The following EXOC3 variants were observed in gnomAD, a reference collection of about 807,000 sequenced individuals.
EXOC3 encodes the protein exocyst complex component 3, also known as SEC6-like 1.
EXOC3 carries 21 observed loss-of-function variants against 73.7 expected under a neutral mutation model. The ratio of observed to expected loss-of-function variants is 0.29; its 90% CI spans 0.20 to 0.41. The LOEUF (loss-of-function observed/expected upper bound fraction) is 0.41. Ranked by LOEUF, EXOC3 falls within the 10% of genes least tolerant of loss-of-function variation. The probability of loss-of-function intolerance (pLI) is 1.00; values close to 1 mark genes in which losing one functional copy is unlikely to be tolerated. For synonymous variants in EXOC3, 410 were observed against 389.1 expected (o/e 1.05, Z -0.63); for missense variants, 842 against 985.1 (o/e 0.85, Z 1.95).
intron 9 of EXOC3, 53 bp downstream of exon 9, chr5:462,360 C>G: frequency 6.3e-7 from 1 of 1,592,614 alleles, no homozygotes; most frequent in Admixed American, 1.7e-5. Context: ...CCAGTGCTTC[C>G]TCACTGCCCT....
intron 11 of EXOC3, 75 bp downstream of exon 11, chr5:465,347 G>C (rs559624363): frequency 7.4e-6 from 11 of 1,483,036 alleles, no homozygotes; most frequent in Non-Finnish European, 1.0e-5. Flanking sequence ...CCCGGGACTC[G>C]GGCCAGTAGA....
chr5:457,030 CACAGA>C (rs1560938246), intron 5 of EXOC3, 24 bp downstream of exon 5: 2 of 1,530,810 alleles, frequency 1.3e-6, no homozygotes, highest in Non-Finnish European at 1.8e-6. Flanking sequence ...GCCTGCGTGC[CACAGA>C]CCACCGTGCT....
intron 12 of EXOC3, chr5:466,310 C>G (rs1738149377): frequency 8.0e-6 from 2 of 248,738 alleles, no homozygotes; most frequent in Middle Eastern, 1.4e-3. Flanking sequence ...GTCCCCCCTC[C>G]ACCATGCTGG....
At chr5:455,611 TTGAA>T (rs1737787839) in intron 4 of EXOC3, among the ~76,000 whole-genome samples, 1 of 75,734 alleles carries the variant, frequency 1.3e-5, no homozygotes, top group Non-Finnish European at 2.7e-5. Flanking sequence ...GGCGTGTGAG[TTGAA>T]AGAATTTTCT....
At chr5:444,179 C>G (rs530650427) in intron 1 of EXOC3, among the ~76,000 whole-genome samples, 17 of 152,248 alleles carry the variant, frequency 1.1e-4, no homozygotes, top group Non-Finnish European at 2.2e-4. Context: ...GGAAGGCAGT[C>G]AGAAAGGCCC....
At chr5:457,276 C>T (rs1299782368) in intron 5 of EXOC3, 8 of 467,812 alleles carry the variant, frequency 1.7e-5, no homozygotes, top group African/African-American at 9.9e-5. Flanking sequence ...GGGCCCAGAA[C>T]GTCTGAACCG....
At chr5:444,786 G>A (rs1168356734) in intron 1 of EXOC3, 1 of 152,074 alleles carries the variant, frequency 6.6e-6, no homozygotes, top group African/African-American at 2.4e-5. Context: ...CTGAGTGGTG[G>A]GATTTACGGG....
rs762062612 is a variant in EXOC3, at chr5:464,250, G to A, written c.1654-40G>A. 1.9e-5 allele frequency: 30 copies of A among 1,601,768 alleles called. No homozygotes were observed. In the Admixed American group the frequency reaches 3.9e-4, roughly 21 times the overall value. On this transcript the variant is annotated intron_variant, in intron 9 of 12. Transcript: ENST00000512944. ...CACATGCACTCGGCTCTCGTGGGAC[G>A]TTGAGGTGATGATTTCTATGATCTG...
chr5:467,053 G>A lies in EXOC3; in HGVS notation c.*155G>A, dbSNP rs569451406. On this transcript the variant is annotated 3_prime_UTR_variant, in exon 13 of 13. Transcript: ENST00000512944. ...GTGATGCACCGGGTGTGCGTCGAGT[G>A]AGCGTCCCGAGGCCACGTGCGGAGG... is the stretch of plus-strand genomic sequence containing the variant. 7.4e-5 allele frequency: 57 copies of A among 774,878 alleles called. No individual in the cohort carries two copies. In the South Asian group the frequency reaches 9.1e-4, roughly 12 times the overall value. The allele number at this position is 774,878 out of a possible 1,614,324, so 48.0% of individuals were successfully genotyped here. A position where few individuals can be genotyped will look rare whatever the true frequency, so the allele number is the denominator to read the frequency against.
At chr5:444,095 G>A (rs750126206) in intron 1 of EXOC3, among the ~76,000 whole-genome samples, 1 of 152,188 alleles carries the variant, frequency 6.6e-6, no homozygotes, top group Non-Finnish European at 1.5e-5. Context: ...AGGTGTCTCC[G>A]TGGGTGCTGA....
intron 7 of EXOC3, among the ~76,000 whole-genome samples, chr5:461,249 AT>A (rs1296739023): frequency 1.2e-4 from 19 of 152,084 alleles, no homozygotes; most frequent in Middle Eastern, 3.4e-3. Context: ...GCTGAACCAT[AT>A]TTTTTTTCCT....
chr5:444,696 G>GTTA (rs1737451998), intron 1 of EXOC3, among the ~76,000 whole-genome samples: 1 of 152,170 alleles, frequency 6.6e-6, no homozygotes, highest in African/African-American at 2.4e-5. Flanking sequence ...CTGAGTGTCG[G>GTTA]GATTTAAGGG....
intron 7 of EXOC3, 172 bp from the exon 8 acceptor site, chr5:461,788 C>T: frequency 1.7e-5 from 10 of 598,482 alleles, no homozygotes; most frequent in Non-Finnish European, 2.1e-5. Context: ...AGTAATCAAC[C>T]TCTCTGTCCT....
intron 7 of EXOC3, 75 bp from the exon 8 acceptor site, chr5:461,885 G>A: frequency 7.0e-6 from 7 of 993,346 alleles, no homozygotes; most frequent in South Asian, 2.8e-5. Context: ...CAGGCCAGGC[G>A]TGACGTCAGC....
Position 462,049 on chromosome 5 carries a change from T to C in EXOC3, c.1481T>C (p.Ile494Thr). 6.2e-7 allele frequency: 1 copy of C among 1,610,354 alleles called. No individual in the cohort carries two copies. The change falls in exon 8 of 13, where the codon ATC (isoleucine) becomes ACC (threonine). Residue 494 changes from isoleucine to threonine, a missense_variant. Transcript: ENST00000512944. ...HCYVQYMIAI[I>T]NNCQTFKESI... is the part of the protein sequence containing the mutation. ...TACGTTCAGTACATGATCGCCATCA[T>C]CAACAACTGCCAGACCTTCAAGTGA...
At chr5:447,356 G>C in intron 2 of EXOC3, 177 bp from the exon 3 acceptor site, 2 of 576,136 alleles carry the variant, frequency 3.5e-6, no homozygotes, top group East Asian at 2.9e-5. Context: ...TGAAGAAAAA[G>C]GTACACTGTG....
At chr5:459,152 A>C (rs561029824) in intron 6 of EXOC3, among the ~76,000 whole-genome samples, 2 of 151,282 alleles carry the variant, frequency 1.3e-5, no homozygotes, top group African/African-American at 4.8e-5. Flanking sequence ...GAAATGAGTC[A>C]CTTGGTACTT....
Position 453,362 on chromosome 5 carries a change from C to T in EXOC3, c.365-8C>T. On this transcript the variant is annotated splice_polypyrimidine_tract_variant and splice_region_variant and intron_variant, in intron 3 of 12. Transcript: ENST00000512944. ...TTGTTTATGTTGTGTCTTGTGCCTT[C>T]TCCCTAGTGCCTGAGATTGTGAGGG... 2 of 1,560,164 alleles carry T rather than the reference C, an allele frequency of 1.3e-6. No individual in the cohort carries two copies. The highest frequency in any genetic ancestry group is 1.7e-6 in the Non-Finnish European group (2 of 1,150,606).
Position 453,760 on chromosome 5 carries a change from T to C in EXOC3, c.755T>C (p.Leu252Ser). The change falls in exon 4 of 13, where the codon TTG becomes TCG. Residue 252 changes from leucine to serine, a missense_variant. By Grantham distance (145) the Leu-to-Ser change is moderately radical (BLOSUM62 -2). Transcript: ENST00000512944. ...TGGAAGGAGAAAATGTTCACCATCT[T>C]GGAGAGGACTGTGACCACCAGAATT... is the stretch of plus-strand genomic sequence containing the variant. ...KNWKEKMFTI[L>S]ERTVTTRIEG... 1.9e-6 allele frequency: 3 copies of C among 1,613,922 alleles called. No homozygotes were observed. The highest frequency in any genetic ancestry group is 2.5e-6 in the Non-Finnish European group (3 of 1,179,890).
Sources: allele counts gnomAD v4.1 joint callset (sites outside exome capture counted in the v4.1 genomes callset), GRCh38; gene constraint gnomAD v4.1.1; transcripts MANE v1.5; gene names NCBI Gene and HGNC (gene_info 2026-07-23, HGNC 2026-07-21).